The following BTBD8 variants were observed in gnomAD, a reference collection of about 807,000 sequenced individuals.
BTBD8 encodes the protein BTB domain containing 8, also known as BTB/POZ domain-containing protein 8.
A neutral mutation model predicts 162.9 loss-of-function variants in BTBD8; 110 were observed. The ratio of observed to expected loss-of-function variants is 0.68; its 90% confidence interval spans 0.58 to 0.79. BTBD8 has a LOEUF of 0.79. BTBD8 is among the 30% of genes least tolerant of loss of function. The pLI is 0.00. For synonymous variants in BTBD8, 667 were observed against 716.1 expected (o/e 0.93, Z 1.10); for missense variants, 1,905 against 2,085.4 (o/e 0.91, Z 1.68).
At chr1:92,121,471 T>C (rs548579276) in intron 4 of BTBD8, among the ~76,000 whole-genome samples, 3 of 152,354 alleles carry the variant, frequency 2.0e-5, no homozygotes, top group Non-Finnish European at 4.4e-5. Flanking sequence ...AAAACTTATG[T>C]CGTCCTTAAA....
intron 1 of BTBD8, among the ~76,000 whole-genome samples, chr1:92,084,301 G>A (rs111856507): frequency 1.5e-4 from 23 of 151,868 alleles, no homozygotes; most frequent in African/African-American, 5.6e-4. Context: ...CCATTTGCAG[G>A]GCAAACACAC....
rs1649079097 is a variant in BTBD8, at chr1:92,117,644, G to A, written c.662+9643G>A. 2.0e-5 allele frequency among the ~76,000 whole-genome samples: 3 copies of A among 151,902 alleles called. No individual in the cohort carries two copies. In the South Asian group the frequency reaches 6.2e-4, roughly 31 times the overall value. On this transcript the variant is annotated intron_variant, in intron 4 of 17. Transcript: ENST00000636805. ...ATATTCAGCCAAAGCTCAAGGGAGGGAGTATCTACTCTGATTTCTGCAGTT... is the reference window on the plus strand; with the variant it reads ...ATATTCAGCCAAAGCTCAAGGGAGGAAGTATCTACTCTGATTTCTGCAGTT...
At chr1:92,166,114 ATG>A (rs1481951801) in intron 9 of BTBD8, among the ~76,000 whole-genome samples, 1 of 152,186 alleles carries the variant, frequency 6.6e-6, no homozygotes, top group East Asian at 1.9e-4. Flanking sequence ...ATATTTGTGA[ATG>A]TTTTTTTCCA....
At chr1:92,160,209 C>A (rs1421667811) in intron 9 of BTBD8, among the ~76,000 whole-genome samples, 1 of 151,924 alleles carries the variant, frequency 6.6e-6, no homozygotes, top group East Asian at 1.9e-4. Context: ...TCCATGATTT[C>A]TGTTTGGCAC....
intron 4 of BTBD8, chr1:92,114,843 T>C: frequency 2.9e-6 from 1 of 349,164 alleles, no homozygotes; most frequent in Non-Finnish European, 5.5e-6. Context: ...CCCACCACCC[T>C]GTTGCTGTAG....
chr1:92,175,273 G>T (rs1179853687), intron 13 of BTBD8, among the ~76,000 whole-genome samples: 2 of 151,856 alleles, frequency 1.3e-5, no homozygotes, highest in African/African-American at 4.8e-5. Flanking sequence ...GAGGTCAAGA[G>T]ATCAAGACCA....
chr1:92,156,763 T>A (rs1222299881), intron 9 of BTBD8, among the ~76,000 whole-genome samples: 2 of 152,096 alleles, frequency 1.3e-5, no homozygotes, highest in Non-Finnish European at 2.9e-5. Flanking sequence ...TCATTTTAAT[T>A]TGTGTCATCT....
chr1:92,138,129 G>A (rs1415897938), intron 5 of BTBD8, among the ~76,000 whole-genome samples: 1 of 152,128 alleles, frequency 6.6e-6, no homozygotes, highest in Non-Finnish European at 1.5e-5. Context: ...GTTACAGCAG[G>A]CTGTTTCTGC....
intron 9 of BTBD8, among the ~76,000 whole-genome samples, chr1:92,153,170 T>G (rs987094807): frequency 6.6e-6 from 1 of 152,164 alleles, no homozygotes; most frequent in Non-Finnish European, 1.5e-5. Context: ...TTTACACATT[T>G]GACACTAACT....
At chr1:92,173,658 T>C (rs1197720872) in intron 13 of BTBD8, among the ~76,000 whole-genome samples, 1 of 152,224 alleles carries the variant, frequency 6.6e-6, no homozygotes, top group Non-Finnish European at 1.5e-5. Flanking sequence ...GACAGTGATA[T>C]GCTGAAATGG....
chr1:92,148,950 A>G (rs1649985832), intron 9 of BTBD8, among the ~76,000 whole-genome samples: 1 of 152,248 alleles, frequency 6.6e-6, no homozygotes, highest in Non-Finnish European at 1.5e-5. Context: ...TAAAATCAAT[A>G]GAAAGCTATA....
chr1:92,158,489 T>G (rs1415317651), intron 9 of BTBD8, among the ~76,000 whole-genome samples: 2 of 152,166 alleles, frequency 1.3e-5, no homozygotes, highest in African/African-American at 4.8e-5. Context: ...ACAGAAACTC[T>G]ACACTTCTCC....
chr1:92,166,424 C>CTTTTTTTTTTTTT (rs35849731), intron 9 of BTBD8, among the ~76,000 whole-genome samples: 1 of 120,416 alleles, frequency 8.3e-6, no homozygotes, highest in Non-Finnish European at 1.7e-5. Context: ...TCTTTTCTTT[C>CTTTTTTTTTTTTT]TTTTTTTTTT....
At position 92,080,708 on chromosome 1, in the gene BTBD8, A is replaced by G. The variant is rs1454974346; in HGVS notation, c.137A>G (p.Gln46Arg). ...LKATVSEQLS[Q>R]DLLRLLREEF... is the part of the protein sequence containing the mutation. The stretch of plus-strand genomic sequence containing the variant: ...GCGACGGTGTCGGAGCAGCTCAGCC[A>G]GGATTTGCTCAGGTAGGAGGAGGCG... The change falls in exon 1 of 18, where the codon CAG becomes CGG. Residue 46 changes from glutamine (Q) to arginine (R), a missense_variant. This residue lies in a region of BTBD8 where 1,374 missense variants were observed against 1,442.7 expected (regional missense o/e 0.95). Coordinates refer to ENST00000636805, the MANE Select transcript of BTBD8 (RefSeq NM_001376131.1). 4 of 1,611,248 alleles carry G rather than the reference A, an allele frequency of 2.5e-6. No individual in the cohort carries two copies. The highest frequency in any genetic ancestry group is 1.1e-5 in the South Asian group (1 of 90,492).
chr1:92,101,529 C>G (rs1372995086), intron 2 of BTBD8, among the ~76,000 whole-genome samples: 1 of 152,248 alleles, frequency 6.6e-6, no homozygotes, highest in African/African-American at 2.4e-5. Context: ...ACCTGCCACA[C>G]AGTCCCCCAA....
rs546310579 is a variant in BTBD8 at position 92,174,659 on chromosome 1, A to G, written c.1636-2170A>G. ...TTTGAGCTAAGATTTGAGCAAGAAA[A>G]CAAAAAATGAGGACCAAGCCTATCT... On this transcript the variant is annotated intron_variant, in intron 13 of 17. Coordinates refer to ENST00000636805, the MANE Select transcript of BTBD8 (RefSeq NM_001376131.1). 7.7e-4 allele frequency among the ~76,000 whole-genome samples: 117 copies of G among 152,320 alleles called. 1 individual carries two copies. The highest frequency in any genetic ancestry group is 2.3e-3 in the African/African-American group (95 of 41,562).
chr1:92,157,678 G>GCT (rs1650191364), intron 9 of BTBD8, among the ~76,000 whole-genome samples: 1 of 148,570 alleles, frequency 6.7e-6, no homozygotes, highest in African/African-American at 2.5e-5. Flanking sequence ...TTTTTTTCTT[G>GCT]GTAGGGATAG....
chr1:92,144,843 G>A (rs532987475), intron 7 of BTBD8, among the ~76,000 whole-genome samples: 239 of 99,854 alleles, frequency 2.4e-3, no homozygotes, highest in African/African-American at 9.3e-3. Flanking sequence ...ACACACACAC[G>A]TATACACACA....
chr1:92,089,359 T>G (rs1255697435), intron 2 of BTBD8, among the ~76,000 whole-genome samples: 1 of 152,186 alleles, frequency 6.6e-6, no homozygotes, highest in African/African-American at 2.4e-5. Context: ...AATTGCCCCC[T>G]CTTGAGAACC....
Sources: allele counts gnomAD v4.1 joint callset (sites outside exome capture counted in the v4.1 genomes callset), GRCh38; gene constraint gnomAD v4.1.1; regional missense constraint gnomAD v4.1.1; transcripts MANE v1.5; gene names NCBI Gene and HGNC (gene_info 2026-07-23, HGNC 2026-07-21).